Variants in PHKA2 observed in about 807,000 individuals in gnomAD.
The protein encoded by PHKA2 is phosphorylase b kinase regulatory subunit alpha, liver isoform.
PHKA2 carries 31 observed loss-of-function variants against 102.0 expected under a neutral mutation model. That is an observed-to-expected ratio of 0.30 (90% CI 0.23 to 0.41). PHKA2 has a LOEUF of 0.41. Ranked by LOEUF, PHKA2 falls within the 10% of genes least tolerant of loss-of-function variation. The pLI is 1.00. For synonymous variants in PHKA2, 455 were observed against 416.2 expected, an observed-to-expected ratio of 1.09 and a Z score of -1.13; for missense variants, 858 against 1,023.1, an observed-to-expected ratio of 0.84 and a Z score of 2.20.
intron 5 of PHKA2, 109 bp from the exon 6 acceptor site, chrX:18,945,267 T>A: frequency 1.9e-6 from 1 of 521,196 alleles, no homozygotes; most frequent in South Asian, 2.6e-5. Flanking sequence ...CATAAGTGGA[T>A]CTTCTCGGAG....
In PHKA2 at chrX:18,949,790, CTGTTA is replaced by C. The variant is rs752816419; in HGVS notation, c.455-969_455-965del. 1.9e-4 allele frequency among the ~76,000 whole-genome samples: 21 copies of C among 112,360 alleles called. 1 individual carries two copies. Among genetic ancestry groups the C allele is most frequent in the Non-Finnish European group, 3.6e-4 (19 of 53,270 alleles). ...GCAGTGGAATTTTTTTCTTTGTATTCTGTTATATTTTCCAAAATATCTACAGTGAG... is the reference window on the plus strand; with the variant it reads ...GCAGTGGAATTTTTTTCTTTGTATTCTATTTTCCAAAATATCTACAGTGAG... On this transcript the variant is annotated intron_variant, in intron 4 of 32. Coordinates refer to ENST00000379942, the MANE Select transcript of PHKA2 (RefSeq NM_000292.3).
intron 15 of PHKA2, among the ~76,000 whole-genome samples, chrX:18,925,300 C>T (rs985534338): frequency 2.7e-5 from 3 of 112,370 alleles, no homozygotes; most frequent in South Asian, 3.7e-4. Flanking sequence ...TCCCAGTAAG[C>T]GAGGGTGTGG....
rs2048273508 is a variant in PHKA2, at chrX:18,929,315, AGAG to A, written c.1246-12_1246-10del. On this transcript the variant is annotated splice_polypyrimidine_tract_variant and intron_variant, in intron 12 of 32. Coordinates refer to ENST00000379942, the MANE Select transcript of PHKA2 (RefSeq NM_000292.3). ...CCAGCGGCAAGGAATCCCTATGAAAAGAGGAGCATTAACACTATGAAATATTGA... is the reference window on the plus strand; with the variant it reads ...CCAGCGGCAAGGAATCCCTATGAAAAGAGCATTAACACTATGAAATATTGA... 1 of 1,091,946 alleles carries A rather than the reference AGAG, an allele frequency of 9.2e-7. No homozygotes were observed. The highest frequency in any genetic ancestry group is 1.9e-5 in the South Asian group (1 of 51,319). The allele number at this position is 1,091,946 out of a possible 1,213,427, so 90.0% of individuals were successfully genotyped here.
intron 26 of PHKA2, among the ~76,000 whole-genome samples, chrX:18,904,962 G>C (rs2047777866): frequency 1.8e-5 from 2 of 111,699 alleles, no homozygotes; most frequent in Admixed American, 1.9e-4. Context: ...TGCAAGCAGG[G>C]TTCCGGTTCA....
rs1279289779 is a variant in PHKA2 at position 18,892,994 on chromosome X, TATTTGGTGAAGA to T, written c.*479_*490del. ...ATTCCACAGAGAGACACAAGTGTTCTATTTGGTGAAGAGTTTGGTGCACAGACAGACTGCATC... is the reference window on the plus strand; with the variant it reads ...ATTCCACAGAGAGACACAAGTGTTCTGTTTGGTGCACAGACAGACTGCATC... On this transcript the variant is annotated 3_prime_UTR_variant, in exon 33 of 33. Transcript: ENST00000379942. 1 of 140,966 alleles carries T rather than the reference TATTTGGTGAAGA, an allele frequency of 7.1e-6. No individual in the cohort carries two copies. Among genetic ancestry groups the T allele is most frequent in the African/African-American group, 3.1e-5 (1 of 32,292 alleles). The allele number at this position is 140,966 out of a possible 1,213,427, so 11.6% of individuals were successfully genotyped here.
intron 1 of PHKA2, among the ~76,000 whole-genome samples, chrX:18,981,732 G>A (rs1309071829): frequency 9.0e-6 from 1 of 111,359 alleles, no homozygotes; most frequent in Non-Finnish European, 1.9e-5. Context: ...CAAGGACCAC[G>A]AGGCCTGGGC....
intron 22 of PHKA2, among the ~76,000 whole-genome samples, 193 bp from the exon 23 acceptor site, chrX:18,907,290 T>C (rs1318936894): frequency 8.9e-6 from 1 of 111,971 alleles, no homozygotes; most frequent in Non-Finnish European, 1.9e-5. Flanking sequence ...CAGGGATGGG[T>C]GTCTGTGGTC....
At chrX:18,893,690 G>A (rs2047472353) in intron 32 of PHKA2, 35 bp from the exon 33 acceptor site, 8 of 1,158,360 alleles carry the variant, frequency 6.9e-6, no homozygotes, top group Non-Finnish European at 9.4e-6. Context: ...ACAATAAGCG[G>A]AGCCCCCACT....
intron 31 of PHKA2, 168 bp from the exon 32 acceptor site, chrX:18,894,572 A>G: frequency 2.0e-6 from 1 of 500,390 alleles, no homozygotes; most frequent in South Asian, 2.8e-5. Flanking sequence ...TGGCCCTCAG[A>G]GCAGGAGGCT....
chrX:18,897,669 G>A (rs923266115), intron 29 of PHKA2: 24 of 279,073 alleles, frequency 8.6e-5, no homozygotes, highest in Admixed American at 1.7e-4. Flanking sequence ...CAATGCCAGC[G>A]GTGCCAAGGA....
At chrX:18,927,526 C>A (rs773344708) in intron 13 of PHKA2, among the ~76,000 whole-genome samples, 1 of 112,393 alleles carries the variant, frequency 8.9e-6, no homozygotes, top group East Asian at 2.8e-4. Context: ...TAAGTACAAT[C>A]ATTGTACTCA....
intron 17 of PHKA2, among the ~76,000 whole-genome samples, chrX:18,921,531 CAT>C (rs910023663): frequency 1.8e-5 from 2 of 112,448 alleles, no homozygotes; most frequent in Non-Finnish European, 3.8e-5. Flanking sequence ...CACTGTGTTA[CAT>C]AGTTATAACT....
At chrX:18,924,913 CTG>C (rs2048186869) in intron 15 of PHKA2, among the ~76,000 whole-genome samples, 3 of 112,325 alleles carry the variant, frequency 2.7e-5, no homozygotes, top group Non-Finnish European at 5.6e-5. Flanking sequence ...GGTGGACACT[CTG>C]TTTACCTGAT....
intron 27 of PHKA2, among the ~76,000 whole-genome samples, chrX:18,901,152 C>T (rs769525547): frequency 2.7e-5 from 3 of 110,375 alleles, no homozygotes; most frequent in Non-Finnish European, 5.7e-5. Flanking sequence ...ACAGATGATT[C>T]GGTGACTTTT....
intron 1 of PHKA2, among the ~76,000 whole-genome samples, chrX:18,977,842 C>T (rs899704512): frequency 8.9e-6 from 1 of 112,036 alleles, no homozygotes. Flanking sequence ...TGACACACAC[C>T]TTTTAAAAAG....
At chrX:18,965,240 G>C (rs771674027) in intron 1 of PHKA2, among the ~76,000 whole-genome samples, 28 of 111,554 alleles carry the variant, frequency 2.5e-4, no homozygotes, top group African/African-American at 8.5e-4. Context: ...ACTAATTCGT[G>C]TAGTAAGGAG....
chrX:18,963,813 G>A (rs957001070), intron 1 of PHKA2, among the ~76,000 whole-genome samples: 1 of 111,830 alleles, frequency 8.9e-6, no homozygotes, highest in South Asian at 3.8e-4. Context: ...GGACGGCACA[G>A]AGATGAATGT....
intron 6 of PHKA2, among the ~76,000 whole-genome samples, 159 bp downstream of exon 6, chrX:18,944,919 T>C (rs980799356): frequency 1.5e-4 from 17 of 112,457 alleles, no homozygotes; most frequent in African/African-American, 5.2e-4. Context: ...TTACCTAGAA[T>C]TTCAGGTGGC....
intron 17 of PHKA2, among the ~76,000 whole-genome samples, chrX:18,923,334 CT>C (rs2048158483): frequency 9.0e-6 from 1 of 111,527 alleles, no homozygotes; most frequent in South Asian, 3.8e-4. Flanking sequence ...GCCACCGTGC[CT>C]GGTCCACAGC....
Sources: allele counts gnomAD v4.1 joint callset (sites outside exome capture counted in the v4.1 genomes callset), GRCh38; gene constraint gnomAD v4.1.1; transcripts MANE v1.5; gene names NCBI Gene and HGNC (gene_info 2026-07-23, HGNC 2026-07-21).